The following APPBP2 variants were observed in gnomAD, a reference collection of about 807,000 sequenced individuals.
APPBP2 encodes amyloid protein-binding protein 2.
A neutral mutation model predicts 76.0 loss-of-function variants in APPBP2; 15 were observed. That is an observed-to-expected ratio of 0.20 (90% CI 0.13 to 0.30). The LOEUF is 0.30. Ranked by LOEUF, APPBP2 falls within the 10% of genes least tolerant of loss-of-function variation. APPBP2 has a pLI of 1.00. For synonymous variants in APPBP2, 222 were observed against 242.2 expected (o/e 0.92, Z 0.77); for missense variants, 401 against 687.2 (o/e 0.58, Z 4.66).
chr17:60,480,787 C>T, intron 3 of APPBP2, among the ~76,000 whole-genome samples: 1 of 152,194 alleles, frequency 6.6e-6, no homozygotes, highest in Non-Finnish European at 1.5e-5. Flanking sequence ...AACCACATTT[C>T]TCCTTTGCTA....
At position 60,447,772 on chromosome 17, in the gene APPBP2, G is replaced by A. The variant is rs1006838724; in HGVS notation, c.1567C>T (p.Leu523Phe). The A allele has an allele frequency of 6.2e-7, 1 of 1,613,400 alleles. No homozygotes were observed. The highest frequency in any genetic ancestry group is 8.5e-7 in the Non-Finnish European group (1 of 1,179,876). ...LEYDYRGLIK[L>F]YNSIGNYEKV... ...TCGTAATTTCCAATGGAGTTGTAAA[G>A]TTTAATGAGACCTCGATAATCATAT... The change falls in exon 13 of 13, where the codon CTT (leucine) becomes TTT (phenylalanine). Residue 523 changes from leucine to phenylalanine, a missense_variant. By Grantham distance (22) the Leu-to-Phe change is conservative. Around this residue, in one of 5 missense-constraint regions of APPBP2, gnomAD observed 56 missense variants for 76.5 expected, o/e 0.73. Coordinates refer to ENST00000083182, the MANE Select transcript of APPBP2 (RefSeq NM_006380.5).
intron 3 of APPBP2, among the ~76,000 whole-genome samples, chr17:60,480,866 G>T (rs1048991923): frequency 2.0e-5 from 3 of 152,144 alleles, no homozygotes; most frequent in Admixed American, 6.5e-5. Context: ...AAGAGCAATG[G>T]ACACTCTCCT....
At chr17:60,522,673 A>G (rs917711618) in intron 1 of APPBP2, among the ~76,000 whole-genome samples, 1 of 152,086 alleles carries the variant, frequency 6.6e-6, no homozygotes, top group Non-Finnish European at 1.5e-5. Flanking sequence ...CCCAACTCCA[A>G]TATAAGGATA....
rs1334392432 is a variant in APPBP2, at chr17:60,456,325, A to T, written c.1118T>A (p.Leu373His). The change falls in exon 10 of 13, where the codon CTT becomes CAT. Residue 373 changes from leucine (L) to histidine (H), a missense_variant. Physicochemically the swap from Leu to His is moderately conservative, Grantham distance 99 (BLOSUM62 -3). Around this residue, in one of 5 missense-constraint regions of APPBP2, gnomAD observed 130 missense variants for 322.7 expected, o/e 0.40. Coordinates refer to ENST00000083182, the MANE Select transcript of APPBP2 (RefSeq NM_006380.5). The part of the protein sequence containing the change: ...IITHILPEDH[L>H]LLASSKRVKA... ...CACCCTCTTTGAAGAAGCCAAAAGA[A>T]GATGATCTTCAGGTAGGATGTGGGT... is the stretch of plus-strand genomic sequence containing the variant. The T allele has an allele frequency of 1.9e-6, 3 of 1,610,946 alleles. No individual in the cohort carries two copies. Among genetic ancestry groups the T allele is most frequent in the East Asian group, 2.2e-5 (1 of 44,820 alleles).
chr17:60,512,987 C>T (rs73330225), intron 1 of APPBP2, among the ~76,000 whole-genome samples: 11,554 of 140,188 alleles, frequency 0.082, 1,624 homozygotes, highest in African/African-American at 0.3. Context: ...ACCCTGGGAG[C>T]CTATTCAAAA....
At chr17:60,483,525 C>T (rs1294107530) in intron 3 of APPBP2, among the ~76,000 whole-genome samples, 2 of 151,934 alleles carry the variant, frequency 1.3e-5, no homozygotes, top group East Asian at 3.9e-4. Flanking sequence ...TCCCAAATAG[C>T]TGGGACTATA....
At chr17:60,482,464 T>A (rs967303812) in intron 3 of APPBP2, among the ~76,000 whole-genome samples, 2 of 152,158 alleles carry the variant, frequency 1.3e-5, no homozygotes, top group Non-Finnish European at 2.9e-5. Context: ...TTATTATTAT[T>A]ATACTTTAAG....
chr17:60,454,010 G>A (rs1048485877), intron 11 of APPBP2, among the ~76,000 whole-genome samples: 3 of 152,086 alleles, frequency 2.0e-5, no homozygotes, highest in Non-Finnish European at 1.5e-5. Context: ...TAGGTAGGAA[G>A]ACAGGCATGT....
At chr17:60,456,577 C>G (rs2090433153) in intron 9 of APPBP2, among the ~76,000 whole-genome samples, 196 bp from the exon 10 acceptor site, 1 of 152,152 alleles carries the variant, frequency 6.6e-6, no homozygotes, top group Non-Finnish European at 1.5e-5. Context: ...ACTCCCATTT[C>G]CCTCAGAATG....
At chr17:60,450,917 G>T (rs1267682380) in intron 12 of APPBP2, among the ~76,000 whole-genome samples, 3 of 152,110 alleles carry the variant, frequency 2.0e-5, no homozygotes, top group Non-Finnish European at 4.4e-5. Context: ...ATCATATAAA[G>T]AACTTCTATA....
At chr17:60,521,553 C>T (rs9903767) in intron 1 of APPBP2, among the ~76,000 whole-genome samples, 14,483 of 152,132 alleles carry the variant, frequency 0.095, 2,295 homozygotes, top group African/African-American at 0.33. Flanking sequence ...GCGGGCCACA[C>T]GTGGCCCAGG....
chr17:60,484,709 C>G (rs544019176), intron 3 of APPBP2, among the ~76,000 whole-genome samples: 4 of 152,176 alleles, frequency 2.6e-5, no homozygotes, highest in African/African-American at 9.6e-5. Context: ...ATCTGAATAC[C>G]CTTTATTTCT....
intron 1 of APPBP2, among the ~76,000 whole-genome samples, chr17:60,507,999 G>T (rs2090882520): frequency 6.6e-6 from 1 of 150,442 alleles, no homozygotes; most frequent in African/African-American, 2.4e-5. Context: ...TGGAGACAGG[G>T]TCTCACTCTG....
intron 1 of APPBP2, among the ~76,000 whole-genome samples, chr17:60,518,015 C>G (rs556950373): frequency 1.1e-3 from 162 of 150,572 alleles, no homozygotes; most frequent in Non-Finnish European, 1.7e-3. Context: ...TGCCCTTCAT[C>G]TGTCAAATGC....
In APPBP2 at chr17:60,475,512, A is replaced by G. The variant is rs529066894; in HGVS notation, c.503+3636T>C. ...TGAAAATTACTTCTTTTGCCCTTCA[A>G]ACTGGTGAGGTACAGTATTTTCTCT... On this transcript the variant is annotated intron_variant, in intron 4 of 12. Transcript: ENST00000083182. 1.2e-4 allele frequency among the ~76,000 whole-genome samples: 18 copies of G among 152,228 alleles called. No homozygotes were observed. The East Asian group carries it at 3.5e-3, about 29-fold the overall frequency.
chr17:60,525,468 G>A (rs573283586), intron 1 of APPBP2, among the ~76,000 whole-genome samples: 107 of 152,268 alleles, frequency 7.0e-4, no homozygotes, highest in South Asian at 1.7e-3. Flanking sequence ...CTGAAGATAC[G>A]GGCTAGAAGG....
In APPBP2 at chr17:60,464,001, A is replaced by G; in HGVS notation, c.762+20T>C. The G allele has an allele frequency of 6.7e-7, 1 of 1,499,532 alleles. No homozygotes were observed. The highest frequency in any genetic ancestry group is 9.1e-7 in the Non-Finnish European group (1 of 1,096,344). 92.9% of individuals were successfully genotyped at this position (1,499,532 alleles called of 1,614,324 possible). A position where few individuals can be genotyped will look rare whatever the true frequency, so the allele number is the denominator to read the frequency against. On this transcript the variant is annotated intron_variant, in intron 6 of 12. Coordinates refer to ENST00000083182, the MANE Select transcript of APPBP2 (RefSeq NM_006380.5). ...TGATAAATCCTATAATTCATTTAAT[A>G]ATTTTAACATTATATTTACCTTAGA... is the stretch of plus-strand genomic sequence containing the variant.
intron 3 of APPBP2, among the ~76,000 whole-genome samples, chr17:60,489,699 A>G (rs1445330640): frequency 6.6e-6 from 1 of 152,140 alleles, no homozygotes; most frequent in Non-Finnish European, 1.5e-5. Context: ...TTAAGACAGA[A>G]AACACATACA....
At chr17:60,488,203 G>A (rs2090696660) in intron 3 of APPBP2, among the ~76,000 whole-genome samples, 1 of 152,206 alleles carries the variant, frequency 6.6e-6, no homozygotes, top group Non-Finnish European at 1.5e-5. Flanking sequence ...CAGTCTGTCT[G>A]TTCTCAGAGC....
Sources: gnomAD v4.1 joint callset for allele counts (sites outside exome capture counted in the v4.1 genomes callset) on GRCh38, gnomAD v4.1.1 for gene constraint, gnomAD v4.1.1 regional missense constraint, MANE v1.5 for transcripts, NCBI Gene and HGNC (gene_info 2026-07-23, HGNC 2026-07-21) for gene names.